Variants in ANKRD30B observed in about 807,000 individuals in gnomAD.
The protein encoded by ANKRD30B is ankyrin repeat domain 30B.
In ANKRD30B, 144 loss-of-function variants were observed where a neutral mutation model predicts 202.2. The observed-to-expected ratio is 0.71, with a 90% CI of 0.62 to 0.82. ANKRD30B has a LOEUF of 0.82. Ranked by LOEUF, ANKRD30B falls within the 40% of genes least tolerant of loss-of-function variation. The pLI is 0.00. For synonymous variants in ANKRD30B, 508 were observed against 561.3 expected, an observed-to-expected ratio of 0.91 and a Z score of 1.34; for missense variants, 1,487 against 1,669.1, an observed-to-expected ratio of 0.89 and a Z score of 1.90.
At chr18:14,927,980 T>A in the ANKRD30B span, among the ~76,000 whole-genome samples, 1 of 152,148 alleles carries the variant, frequency 6.6e-6, no homozygotes, top group Non-Finnish European at 1.5e-5. Context: ...GTAATTTTTT[T>A]TTTTTTAGTG....
the ANKRD30B span, among the ~76,000 whole-genome samples, chr18:14,929,134 G>A: frequency 1.6e-3 from 247 of 152,300 alleles, 1 homozygote; most frequent in East Asian, 0.015. Flanking sequence ...TCCACCCTGC[G>A]TGGCTCTCAC....
At chr18:14,759,672 G>C (rs1914940302) in intron 5 of ANKRD30B, among the ~76,000 whole-genome samples, 1 of 152,190 alleles carries the variant, frequency 6.6e-6, no homozygotes, top group South Asian at 2.1e-4. Flanking sequence ...AGATCTGTTA[G>C]TTTTCTGCCC....
At chr18:14,893,271 G>A in the ANKRD30B span, among the ~76,000 whole-genome samples, 1 of 152,150 alleles carries the variant, frequency 6.6e-6, no homozygotes, top group Non-Finnish European at 1.5e-5. Flanking sequence ...TTCAGTTGCA[G>A]TGTGGGGAGT....
At position 14,772,171 on chromosome 18, in the gene ANKRD30B, G is replaced by A. The variant is rs1357307440; in HGVS notation, c.1272G>A (p.Arg424=). ...TTCTTTAAAGTCTTTTTGGCACACG[G>A]ACTATTGAAAATTCACAGTGTACAA... The part of the protein sequence containing the change: ...VEPIFSLFGT[R]TIENSQCTKV... The change falls in exon 9 of 44, where the codon CGG becomes CGA. Residue 424 remains arginine (R), a synonymous_variant. Transcript: ENST00000690538. 1.3e-5 allele frequency: 20 copies of A among 1,500,534 alleles called. No homozygotes were observed. The Admixed American group carries it at 1.5e-4, about 11-fold the overall frequency. 93.0% of individuals were successfully genotyped at this position (1,500,534 alleles called of 1,614,324 possible).
intron 4 of ANKRD30B, 124 bp downstream of exon 4, chr18:14,755,129 C>A: frequency 1.8e-6 from 1 of 550,284 alleles, no homozygotes; most frequent in Non-Finnish European, 3.0e-6. Flanking sequence ...TGAAACATAT[C>A]AACACAAATT....
chr18:14,926,539 G>A, the ANKRD30B span, among the ~76,000 whole-genome samples: 1 of 152,180 alleles, frequency 6.6e-6, no homozygotes, highest in Non-Finnish European at 1.5e-5. Flanking sequence ...GACCCAGCAA[G>A]CTTTGTGTGG....
At chr18:14,806,417 T>C (rs1414508304) in intron 24 of ANKRD30B, among the ~76,000 whole-genome samples, 1 of 150,980 alleles carries the variant, frequency 6.6e-6, no homozygotes, top group African/African-American at 2.4e-5. Flanking sequence ...CAGCCATACA[T>C]TTCAATAGCC....
chr18:14,891,957 T>C, the ANKRD30B span, among the ~76,000 whole-genome samples: 1 of 152,266 alleles, frequency 6.6e-6, no homozygotes, highest in African/African-American at 2.4e-5. Flanking sequence ...GGAATAAATG[T>C]ATCAGTTAGG....
the ANKRD30B span, among the ~76,000 whole-genome samples, chr18:14,860,410 A>G: frequency 1.6e-5 from 2 of 124,462 alleles, no homozygotes; most frequent in Non-Finnish European, 3.3e-5. Flanking sequence ...GGCGCTCCTC[A>G]CCTCCCAGAT....
At chr18:14,847,458 G>T (rs1419874033) in intron 39 of ANKRD30B, among the ~76,000 whole-genome samples, 2 of 131,096 alleles carry the variant, frequency 1.5e-5, no homozygotes, top group Admixed American at 1.5e-4. Flanking sequence ...CATATTACCT[G>T]CTGGGAGTTT....
chr18:14,757,722 T>G, intron 4 of ANKRD30B, 93 bp from the exon 5 acceptor site: 1 of 1,342,326 alleles, frequency 7.4e-7, no homozygotes, highest in Middle Eastern at 2.5e-4. Flanking sequence ...AAGATACTTA[T>G]GTTTGTTAGT....
intron 37 of ANKRD30B, among the ~76,000 whole-genome samples, chr18:14,841,718 G>T (rs1393580704): frequency 6.6e-6 from 1 of 152,148 alleles, no homozygotes; most frequent in South Asian, 2.1e-4. Context: ...AAGATAGCCA[G>T]CCAACTTTGG....
At chr18:14,930,300 CTAAA>C in the ANKRD30B span, among the ~76,000 whole-genome samples, 2 of 150,418 alleles carry the variant, frequency 1.3e-5, no homozygotes, top group Admixed American at 1.3e-4. Flanking sequence ...GAAATATACA[CTAAA>C]TGGTCTCAGA....
intron 16 of ANKRD30B, among the ~76,000 whole-genome samples, chr18:14,794,169 C>T (rs1029112882): frequency 2.0e-5 from 3 of 152,074 alleles, no homozygotes; most frequent in Non-Finnish European, 2.9e-5. Flanking sequence ...CTCCAGTGTA[C>T]CCCTTTATAA....
rs779160992 is a variant in ANKRD30B at position 14,763,774 on chromosome 18, T to C, written c.909T>C (p.Pro303=). ...CTGAAAGCTTGCTGGAAAAAACACC[T>C]GACGAGGCTGCACGCTTGGTGGAGG... is the stretch of plus-strand genomic sequence containing the variant. ...DTAESLLEKT[P]DEAARLVEGT... is the part of the protein sequence containing the mutation. Residue 303 remains proline, a synonymous_variant, in exon 7 of 44, where the codon CCT becomes CCC. Coordinates refer to ENST00000690538, the MANE Select transcript of ANKRD30B (RefSeq NM_001367607.2). The C allele has an allele frequency of 6.2e-7, 1 of 1,614,026 alleles. No individual in the cohort carries two copies. Among genetic ancestry groups the C allele is most frequent in the Non-Finnish European group, 8.5e-7 (1 of 1,179,980 alleles).
the ANKRD30B span, among the ~76,000 whole-genome samples, chr18:14,910,928 T>G: frequency 1.2e-4 from 19 of 152,290 alleles, no homozygotes; most frequent in Non-Finnish European, 1.8e-4. Context: ...TGTCTTCCTT[T>G]GAAAAATGTC....
rs114602006 is a variant in ANKRD30B at position 14,761,200 on chromosome 18, G to A, written c.820+582G>A. Reference sequence around the variant, plus strand: ...CATTTGAATATTATAACCTGCGGGGGTCTATCCTGCAGATCCCGGCTGCAT... The same window carrying A: ...CATTTGAATATTATAACCTGCGGGGATCTATCCTGCAGATCCCGGCTGCAT... On this transcript the variant is annotated intron_variant, in intron 6 of 43. Transcript: ENST00000690538. Among the ~76,000 whole-genome samples the A allele has an allele frequency of 4.6e-5, 7 of 152,194 alleles. No individual in the cohort carries two copies. The East Asian group carries it at 1.2e-3, about 25-fold the overall frequency.
intron 6 of ANKRD30B, among the ~76,000 whole-genome samples, chr18:14,763,119 TATTA>T (rs1288447041): frequency 6.6e-6 from 1 of 152,146 alleles, no homozygotes; most frequent in Non-Finnish European, 1.5e-5. Context: ...TTTTATTATT[TATTA>T]CTTTATTTAG....
At chr18:14,898,386 A>C in the ANKRD30B span, among the ~76,000 whole-genome samples, 2 of 152,026 alleles carry the variant, frequency 1.3e-5, no homozygotes, top group Admixed American at 6.5e-5. Flanking sequence ...TCCCTGGCAT[A>C]CGCAGTTTCA....
Sources: allele counts gnomAD v4.1 joint callset (sites outside exome capture counted in the v4.1 genomes callset), GRCh38; gene constraint gnomAD v4.1.1; transcripts MANE v1.5; gene names NCBI Gene and HGNC (gene_info 2026-07-23, HGNC 2026-07-21).